CEP128: variants seen among roughly 807,000 people sequenced by gnomAD.
The protein encoded by CEP128 is centrosomal protein 128.
A neutral mutation model predicts 156.7 loss-of-function variants in CEP128; 132 were observed. The observed-to-expected ratio is 0.84, with a 90% CI of 0.73 to 0.97. The LOEUF is 0.97. CEP128 is among the 50% of genes least tolerant of loss of function. The probability of loss-of-function intolerance (pLI) is 0.00; values close to 1 mark genes in which losing one functional copy is unlikely to be tolerated. For synonymous variants in CEP128, 469 were observed against 448.9 expected (o/e 1.04, Z -0.57); for missense variants, 1,252 against 1,281.9 (o/e 0.98, Z 0.36).
chr14:80,896,775 C>A (rs1889367534), intron 7 of CEP128, among the ~76,000 whole-genome samples: 1 of 152,122 alleles, frequency 6.6e-6, no homozygotes, highest in Admixed American at 6.5e-5. Context: ...TTTCCTCCCA[C>A]TTCTTACTGA....
intron 7 of CEP128, among the ~76,000 whole-genome samples, chr14:80,898,613 C>T (rs1397567648): frequency 1.3e-5 from 2 of 152,176 alleles, no homozygotes; most frequent in African/African-American, 4.8e-5. Flanking sequence ...TTCCCTATAA[C>T]TCATGTTCCC....
chr14:80,617,373 G>T (rs1475855433), intron 19 of CEP128, among the ~76,000 whole-genome samples: 1 of 151,720 alleles, frequency 6.6e-6, no homozygotes, highest in Non-Finnish European at 1.5e-5. Flanking sequence ...TGGGACTACA[G>T]GCGCAAGACG....
chr14:80,608,161 C>T (rs1341241843), intron 19 of CEP128, among the ~76,000 whole-genome samples: 1 of 152,178 alleles, frequency 6.6e-6, no homozygotes, highest in Admixed American at 6.5e-5. Context: ...CCACATGTGT[C>T]CCTTCTACCT....
At chr14:80,913,397 G>A (rs1884359276) in intron 4 of CEP128, among the ~76,000 whole-genome samples, 3 of 152,142 alleles carry the variant, frequency 2.0e-5, no homozygotes, top group Non-Finnish European at 4.4e-5. Flanking sequence ...TTAAAACGTT[G>A]TATAACATTA....
rs141799165 is a variant in CEP128, at chr14:80,515,937, C to T, written c.3073-10917G>A. ...AAGCTGGAGTGCAATGGTGCAACTG[C>T]GGCTCACTGCAACGACCACCTCCCG... On this transcript the variant is annotated intron_variant, in intron 23 of 24. Coordinates refer to ENST00000555265, the MANE Select transcript of CEP128 (RefSeq NM_152446.5). Among the ~76,000 whole-genome samples, 10 of 152,312 alleles carry T rather than the reference C, an allele frequency of 6.6e-5. No homozygotes were observed. The East Asian group carries it at 1.5e-3, about 24-fold the overall frequency.
At chr14:80,661,851 G>A (rs908102607) in intron 19 of CEP128, among the ~76,000 whole-genome samples, 12 of 152,152 alleles carry the variant, frequency 7.9e-5, no homozygotes, top group East Asian at 3.9e-4. Flanking sequence ...CAGAATAACC[G>A]ACAAAATATG....
chr14:80,842,680 C>T (rs1289016537), intron 9 of CEP128, among the ~76,000 whole-genome samples: 1 of 151,652 alleles, frequency 6.6e-6, no homozygotes, highest in Non-Finnish European at 1.5e-5. Flanking sequence ...TTCCATTTGA[C>T]TTAAATCAAG....
In CEP128 at chr14:80,939,442, C is replaced by T. The variant is rs1334771655; in HGVS notation, c.-73G>A. ...CTCTGAGCTCAACGCTCTTTTTAGG[C>T]ACATATGTCTGCCTCCTATCATTTC... On this transcript the variant is annotated 5_prime_UTR_variant, in exon 2 of 25. Transcript: ENST00000555265. 1 of 152,142 alleles carries T rather than the reference C, an allele frequency of 6.6e-6. No homozygotes were observed. Among genetic ancestry groups the T allele is most frequent in the East Asian group, 1.9e-4 (1 of 5,194 alleles). The allele number at this position is 152,142 out of a possible 1,614,324, so 9.4% of individuals were successfully genotyped here.
At chr14:80,821,388 T>G (rs1885160840) in intron 13 of CEP128, among the ~76,000 whole-genome samples, 1 of 152,204 alleles carries the variant, frequency 6.6e-6, no homozygotes, top group Non-Finnish European at 1.5e-5. Context: ...AGACAAGCAT[T>G]GAATAACTCT....
chr14:80,756,701 ATATT>A (rs1899677156), intron 18 of CEP128, among the ~76,000 whole-genome samples, 187 bp downstream of exon 18: 1 of 152,162 alleles, frequency 6.6e-6, no homozygotes, highest in African/African-American at 2.4e-5. Context: ...CTAGGCCTAC[ATATT>A]TAACTTTAAA....
At chr14:80,631,985 T>C (rs562436682) in intron 19 of CEP128, among the ~76,000 whole-genome samples, 134 of 152,206 alleles carry the variant, frequency 8.8e-4, no homozygotes, top group Middle Eastern at 3.4e-3. Flanking sequence ...AAGGTTGACC[T>C]GACTCTAAAG....
At chr14:80,610,663 T>C (rs908644120) in intron 19 of CEP128, among the ~76,000 whole-genome samples, 2 of 152,146 alleles carry the variant, frequency 1.3e-5, no homozygotes, top group African/African-American at 2.4e-5. Flanking sequence ...CCGTGTACTC[T>C]TTGACTTACC....
intron 18 of CEP128, among the ~76,000 whole-genome samples, chr14:80,743,691 T>C (rs948163719): frequency 6.6e-6 from 1 of 152,156 alleles, no homozygotes; most frequent in African/African-American, 2.4e-5. Context: ...GCATGACTTC[T>C]AAAAATGCAT....
chr14:80,870,206 T>G (rs185866610), intron 8 of CEP128, among the ~76,000 whole-genome samples: 2 of 152,068 alleles, frequency 1.3e-5, no homozygotes, highest in Admixed American at 6.6e-5. Flanking sequence ...CTCAAGCTCT[T>G]CCAAAAAACT....
chr14:80,735,090 G>A (rs923238714), intron 19 of CEP128, among the ~76,000 whole-genome samples: 2 of 152,002 alleles, frequency 1.3e-5, no homozygotes, highest in Non-Finnish European at 2.9e-5. Flanking sequence ...TGGTGCCTAG[G>A]ACACTATTTC....
At chr14:80,879,767 A>G (rs1595537639) in intron 8 of CEP128, among the ~76,000 whole-genome samples, 1 of 152,352 alleles carries the variant, frequency 6.6e-6, no homozygotes, top group Middle Eastern at 3.4e-3. Context: ...TACTTAATGA[A>G]ATAATTGCTG....
chr14:80,654,990 C>A (rs1895068809), intron 19 of CEP128, among the ~76,000 whole-genome samples: 1 of 152,128 alleles, frequency 6.6e-6, no homozygotes, highest in East Asian at 1.9e-4. Flanking sequence ...AGTATCATAA[C>A]TCTCAGTCAC....
At chr14:80,942,492 T>C (rs972565210), upstream of CEP128, 1 of 152,216 alleles carries the variant, frequency 6.6e-6, no homozygotes, top group Non-Finnish European at 1.5e-5. Flanking sequence ...AACAATTAAA[T>C]TAGTCATATG....
chr14:80,751,754 G>A (rs536742297), intron 18 of CEP128, among the ~76,000 whole-genome samples: 11 of 150,924 alleles, frequency 7.3e-5, no homozygotes, highest in Admixed American at 4.0e-4. Flanking sequence ...CTCAGCAACC[G>A]AAGTAGCTGG....
Sources: gnomAD v4.1 joint callset for allele counts (sites outside exome capture counted in the v4.1 genomes callset) on GRCh38, gnomAD v4.1.1 for gene constraint, MANE v1.5 for transcripts, NCBI Gene and HGNC (gene_info 2026-07-23, HGNC 2026-07-21) for gene names.